Variants in ATP5F1D observed in about 807,000 individuals in gnomAD.
ATP5F1D encodes ATP synthase F1 subunit delta, also known as ATP synthase F(1) complex subunit delta, mitochondrial.
ATP5F1D carries 16 observed loss-of-function variants against 13.0 expected under a neutral mutation model. That is an observed-to-expected ratio of 1.23 (90% confidence interval 0.83 to 1.87). The LOEUF (loss-of-function observed/expected upper bound fraction) is 1.87. ATP5F1D is among the 40% of genes most tolerant of loss of function. The pLI is 0.00. For missense variants in ATP5F1D, 294 were observed against 246.2 expected (o/e 1.19, Z -1.30); for synonymous variants, 129 against 116.2 (o/e 1.11, Z -0.71).
At chr19:1,242,046 TC>T in intron 1 of ATP5F1D, 55 bp downstream of exon 1, 1 of 1,337,234 alleles carries the variant, frequency 7.5e-7, no homozygotes. Flanking sequence ...GAGTCCAGGG[TC>T]CCCACCCCCA....
intron 3 of ATP5F1D, 30 bp from the exon 4 acceptor site, chr19:1,244,285 G>A: frequency 6.3e-7 from 1 of 1,584,098 alleles, no homozygotes; most frequent in South Asian, 1.1e-5. Context: ...GGTCGCTGCT[G>A]GCCCCTCACC....
At chr19:1,242,065 AC>A in intron 1 of ATP5F1D, 74 bp downstream of exon 1, 1 of 1,278,654 alleles carries the variant, frequency 7.8e-7, no homozygotes, top group South Asian at 2.8e-5. Flanking sequence ...CCAGGGCGCG[AC>A]CCCCGCTTCC....
chr19:1,242,850 G>C, intron 2 of ATP5F1D: 1 of 356,996 alleles, frequency 2.8e-6, no homozygotes, highest in East Asian at 5.1e-5. Context: ...AAACTGGCCG[G>C]GTGCGGTGGC....
chr19:1,242,716 A>G lies in ATP5F1D; in HGVS notation c.295+107A>G, dbSNP rs974169910. ...GAGAAAAAATAGTTTTAGGCCGGGCACGGTGGCTCAAGCCTGTAATCCCAG... is the reference window on the plus strand; with the variant it reads ...GAGAAAAAATAGTTTTAGGCCGGGCGCGGTGGCTCAAGCCTGTAATCCCAG... On this transcript the variant is annotated intron_variant, in intron 2 of 3. Coordinates refer to ENST00000215375, the MANE Select transcript of ATP5F1D (RefSeq NM_001687.5). 2.0e-4 allele frequency: 261 copies of G among 1,333,658 alleles called. 4 individuals are homozygous for G. In the South Asian group the frequency reaches 3.5e-3, roughly 18 times the overall value. 82.6% of individuals were successfully genotyped at this position (1,333,658 alleles called of 1,614,324 possible).
At position 1,241,863 on chromosome 19, in the gene ATP5F1D, G is replaced by T; in HGVS notation, c.13G>T (p.Ala5Ser). The change falls in exon 1 of 4, where the codon GCG becomes TCG. Residue 5 changes from alanine (A) to serine (S), a missense_variant. By Grantham distance (99) the Ala-to-Ser change is moderately conservative. Transcript: ENST00000215375. MLPA[A>S]LLRRPGLGRL... ...GCCCGCCGCTGCCATGCTGCCCGCCGCGCTGCTCCGCCGCCCGGGACTTGG... is the reference window on the plus strand; with the variant it reads ...GCCCGCCGCTGCCATGCTGCCCGCCTCGCTGCTCCGCCGCCCGGGACTTGG... 1 of 1,385,512 alleles carries T rather than the reference G, an allele frequency of 7.2e-7. No homozygotes were observed. 85.8% of individuals were successfully genotyped at this position (1,385,512 alleles called of 1,614,324 possible).
rs76660329 is a variant in ATP5F1D, at chr19:1,244,201, G to C, written c.384+16G>C. On this transcript the variant is annotated intron_variant, in intron 3 of 3. Coordinates refer to ENST00000215375, the MANE Select transcript of ATP5F1D (RefSeq NM_001687.5). ...GGACCTGGGGGTGAGTGTCAGAGGG[G>C]ACCTGAGGCTCAGCAGGTTGGAGCT... 0.017 allele frequency: 27,951 copies of C among 1,607,194 alleles called. 311 individuals are homozygous for C. Among genetic ancestry groups the C allele is most frequent in the Middle Eastern group, 0.024 (147 of 6,048 alleles).
chr19:1,242,327 TG>T, intron 1 of ATP5F1D, 128 bp from the exon 2 acceptor site: 2 of 1,178,250 alleles, frequency 1.7e-6, no homozygotes, highest in Admixed American at 3.9e-5. Context: ...ATCCCTGCGC[TG>T]GGTTGTCTCA....
At position 1,244,002 on chromosome 19, in the gene ATP5F1D, C is replaced by T. The variant is rs902381793; in HGVS notation, c.296-95C>T. 4 of 1,270,056 alleles carry T rather than the reference C, an allele frequency of 3.1e-6. No homozygotes were observed. The African/African-American group carries it at 4.4e-5, about 14-fold the overall frequency. The allele number at this position is 1,270,056 out of a possible 1,614,324, so 78.7% of individuals were successfully genotyped here. The stretch of plus-strand genomic sequence containing the variant: ...ACAGACTTGGATGTTTGTGGAGCTC[C>T]TGGTTCACAGGGGGCTCTGGACTTG... On this transcript the variant is annotated intron_variant, in intron 2 of 3. Transcript: ENST00000215375.
At chr19:1,244,039 C>A in intron 2 of ATP5F1D, 58 bp from the exon 3 acceptor site, 1 of 1,529,690 alleles carries the variant, frequency 6.5e-7, no homozygotes. Flanking sequence ...CCAGGGGAGT[C>A]CCTGAGGCTG....
At chr19:1,242,700 T>C (rs1449434556) in intron 2 of ATP5F1D, 91 bp downstream of exon 2, 1 of 1,369,266 alleles carries the variant, frequency 7.3e-7, no homozygotes, top group Non-Finnish European at 9.5e-7. Flanking sequence ...CGAGAAAAAA[T>C]AGTTTTAGGC....
rs200588209 is a variant in ATP5F1D at position 1,244,296 on chromosome 19, G to C, written c.385-19G>C. ...CTGGGGTCGCTGCTGGCCCCTCACC[G>C]CCCCTCAACCCCTTGCAGGCAGCCA... On this transcript the variant is annotated intron_variant, in intron 3 of 3. Coordinates refer to ENST00000215375, the MANE Select transcript of ATP5F1D (RefSeq NM_001687.5). The C allele has an allele frequency of 6.9e-6, 11 of 1,587,688 alleles. No homozygotes were observed. Among genetic ancestry groups the C allele is most frequent in the Non-Finnish European group, 9.4e-6 (11 of 1,167,296 alleles).
At chr19:1,243,104 G>A (rs1353436116) in intron 2 of ATP5F1D, 2 of 153,162 alleles carry the variant, frequency 1.3e-5, no homozygotes, top group East Asian at 1.9e-4. Flanking sequence ...TACAGTTTTA[G>A]CAGGTTTGTC....
intron 2 of ATP5F1D, chr19:1,243,229 T>C (rs2081046602): frequency 6.6e-6 from 1 of 152,046 alleles, no homozygotes; most frequent in South Asian, 2.1e-4. Flanking sequence ...GCAAGAGATG[T>C]AAAACCACCC....
intron 1 of ATP5F1D, 136 bp downstream of exon 1, chr19:1,242,127 C>A: frequency 2.6e-6 from 3 of 1,142,556 alleles, no homozygotes; most frequent in South Asian, 3.0e-5. Context: ...AGCCCTGGAC[C>A]CTCGGCCCTG....
At chr19:1,244,073 C>T (rs1348662024) in intron 2 of ATP5F1D, 24 bp from the exon 3 acceptor site, 1 of 1,598,072 alleles carries the variant, frequency 6.3e-7, no homozygotes, top group East Asian at 2.3e-5. Context: ...GGTCTCACGC[C>T]TTCCCCCCGC....
At chr19:1,242,026 G>T in intron 1 of ATP5F1D, 35 bp downstream of exon 1, 2 of 1,365,068 alleles carry the variant, frequency 1.5e-6, no homozygotes, top group Non-Finnish European at 9.5e-7. Context: ...CTCCGTGGCC[G>T]CCGCCCCCGG....
rs1447002709 is a variant in ATP5F1D, at chr19:1,242,492, G to A, written c.178G>A (p.Val60Met). 1.9e-6 allele frequency: 3 copies of A among 1,543,764 alleles called. No homozygotes were observed. Among genetic ancestry groups the A allele is most frequent in the Non-Finnish European group, 2.6e-6 (3 of 1,141,988 alleles). Residue 60 changes from valine (V) to methionine (M), a missense_variant, in exon 2 of 4, where the codon GTG becomes ATG. Val to Met is a conservative substitution (Grantham distance 21). Transcript: ENST00000215375. ...CGGTGCCAACGTCCGGCAGGTGGAC[G>A]TGCCCACGCTGACCGGAGCCTTCGG... ...FNGANVRQVD[V>M]PTLTGAFGIL...
rs1315560938 is a variant in ATP5F1D, at chr19:1,244,466, G to A, written c.*29G>A. 21 of 1,542,558 alleles carry A rather than the reference G, an allele frequency of 1.4e-5. No homozygotes were observed. The South Asian group carries it at 1.9e-4, about 14-fold the overall frequency. ...GTGCGTACCCGGTGTCCCGAGGCCCGGCCAGGGGCTGGGCAGGGATGCCAG... is the reference window on the plus strand; with the variant it reads ...GTGCGTACCCGGTGTCCCGAGGCCCAGCCAGGGGCTGGGCAGGGATGCCAG... On this transcript the variant is annotated 3_prime_UTR_variant, in exon 4 of 4. Transcript: ENST00000215375.
chr19:1,241,903 A>C lies in ATP5F1D; in HGVS notation c.53A>C (p.His18Pro). Residue 18 changes from histidine (H) to proline (P), a missense_variant, in exon 1 of 4, where the codon CAC (histidine) becomes CCC (proline). His to Pro is a moderately conservative substitution (Grantham distance 77, BLOSUM62 -2). Transcript: ENST00000215375. ...RRPGLGRLVR[H>P]ARAYAEAAAA... ...CCGGGACTTGGCCGCCTCGTCCGCC[A>C]CGCCCGTGCCTATGCCGAGGCCGCC... is the stretch of plus-strand genomic sequence containing the variant. 6.8e-7 allele frequency: 1 copy of C among 1,473,718 alleles called. No individual in the cohort carries two copies. The highest frequency in any genetic ancestry group is 9.0e-7 in the Non-Finnish European group (1 of 1,115,700). The allele number at this position is 1,473,718 out of a possible 1,614,324, so 91.3% of individuals were successfully genotyped here.
Sources: allele counts gnomAD v4.1 joint callset, GRCh38; gene constraint gnomAD v4.1.1; transcripts MANE v1.5; gene names NCBI Gene and HGNC (gene_info 2026-07-23, HGNC 2026-07-21).